The following RILPL1 variants were observed in gnomAD, a reference collection of about 807,000 sequenced individuals.
RILPL1 encodes Rab interacting lysosomal protein like 1.
In RILPL1, 33 loss-of-function variants were observed where a neutral mutation model predicts 50.3. That is an observed-to-expected ratio of 0.66 (90% CI 0.50 to 0.88). RILPL1 has a LOEUF of 0.88. Ranked by LOEUF, RILPL1 falls within the 40% of genes least tolerant of loss-of-function variation. The pLI, the probability that RILPL1 is intolerant of heterozygous loss-of-function variation, is 0.00. For missense variants in RILPL1, 418 were observed against 542.5 expected (o/e 0.77, Z 2.28); for synonymous variants, 205 against 228.6 (o/e 0.90, Z 0.93).
chr12:123,503,249 G>A (rs1220680835), intron 2 of RILPL1, among the ~76,000 whole-genome samples: 1 of 131,836 alleles, frequency 7.6e-6, no homozygotes, highest in Admixed American at 8.8e-5. Context: ...AGCCCAGGCT[G>A]GAGTGCAGTG....
intron 2 of RILPL1, among the ~76,000 whole-genome samples, chr12:123,521,162 G>C (rs372024403): frequency 1.3e-5 from 2 of 152,056 alleles, no homozygotes; most frequent in Non-Finnish European, 2.9e-5. Flanking sequence ...TGTTTTCTAC[G>C]AACCAGGTAA....
At chr12:123,486,350 C>T (rs1024524710) in intron 4 of RILPL1, among the ~76,000 whole-genome samples, 1 of 152,122 alleles carries the variant, frequency 6.6e-6, no homozygotes, top group Non-Finnish European at 1.5e-5. Context: ...GGAAGCCCGG[C>T]GGGGGTGCAC....
rs749053357 is a variant in RILPL1, at chr12:123,533,378, G to A, written c.105C>T (p.Gly35=). 11 of 1,565,676 alleles carry A rather than the reference G, an allele frequency of 7.0e-6. No individual in the cohort carries two copies. The highest frequency in any genetic ancestry group is 9.5e-6 in the Non-Finnish European group (11 of 1,156,940). ...MDVYDIASLV[G]HEFERVIDQH... is the part of the protein sequence containing the mutation. The stretch of plus-strand genomic sequence containing the variant: ...GGTCAATGACCCGCTCGAACTCGTG[G>A]CCCACAAGCGACGCGATGTCGTACA... Residue 35 remains glycine (G), a synonymous_variant, in exon 1 of 7, where the codon GGC becomes GGT. Transcript: ENST00000376874. This position sits in a 1 kb window ranked among gnomAD's most constrained non-coding sequence, Gnocchi z 6.2.
At chr12:123,529,959 AC>A (rs1885391651) in intron 1 of RILPL1, among the ~76,000 whole-genome samples, 1 of 152,000 alleles carries the variant, frequency 6.6e-6, no homozygotes, top group South Asian at 2.1e-4. Context: ...CAGTAGCCAC[AC>A]GTGGCTGTTG....
chr12:123,525,408 G>A (rs1012394341), intron 1 of RILPL1, among the ~76,000 whole-genome samples: 8 of 141,546 alleles, frequency 5.7e-5, no homozygotes, highest in Non-Finnish European at 1.2e-4. Flanking sequence ...TTTAGAGATG[G>A]GGTATTGCTG....
intron 6 of RILPL1, among the ~76,000 whole-genome samples, chr12:123,480,755 A>G (rs938637405): frequency 3.3e-5 from 5 of 152,140 alleles, no homozygotes; most frequent in African/African-American, 1.2e-4. Context: ...ACTGCAGAGA[A>G]TCAAGACTGA....
Position 123,485,198 on chromosome 12 carries a change from T to C in RILPL1, c.974+435A>G, listed in dbSNP as rs145779650. The C allele has an allele frequency of 2.2e-4, 101 of 457,050 alleles. No individual in the cohort carries two copies. Among genetic ancestry groups the C allele is most frequent in the African/African-American group, 1.6e-3 (78 of 50,212 alleles). 28.3% of individuals were successfully genotyped at this position (457,050 alleles called of 1,614,324 possible). ...AAGATAAATAAGACTTCTGGTCTCA[T>C]GTTGCTTGTGGTCTCATGTGGAAAC... On this transcript the variant is annotated intron_variant, in intron 5 of 6. Transcript: ENST00000376874. The surrounding 1 kb of genome is among the most constrained non-coding windows in gnomAD (Gnocchi z 4.0).
chr12:123,513,491 CTA>C (rs1593590177), intron 2 of RILPL1: 2 of 230,932 alleles, frequency 8.7e-6, no homozygotes, highest in East Asian at 1.3e-4. Context: ...GCCGTAGGAG[CTA>C]TGAGACCGAG....
At chr12:123,528,320 C>T (rs112218291) in intron 1 of RILPL1, among the ~76,000 whole-genome samples, 4,214 of 146,646 alleles carry the variant, frequency 0.029, 176 homozygotes, top group African/African-American at 0.096. Flanking sequence ...TGGTCACGCA[C>T]GGCACGCCAG....
intron 2 of RILPL1, 83 bp downstream of exon 2, chr12:123,523,411 CA>C (rs1279396797): frequency 5.9e-6 from 9 of 1,517,866 alleles, no homozygotes; most frequent in South Asian, 2.3e-5. Context: ...CATCAGCGTC[CA>C]GGGGTGGTGG....
intron 1 of RILPL1, among the ~76,000 whole-genome samples, chr12:123,528,184 T>C (rs1024365659): frequency 1.3e-5 from 2 of 150,798 alleles, no homozygotes; most frequent in African/African-American, 4.9e-5. Context: ...CTGGGCAACA[T>C]GGCAAGACCC....
chr12:123,507,100 T>G (rs1883796519), intron 2 of RILPL1, among the ~76,000 whole-genome samples: 1 of 152,216 alleles, frequency 6.6e-6, no homozygotes, highest in Non-Finnish European at 1.5e-5. Flanking sequence ...GACGTGTGCC[T>G]TGTTGCTGGA....
intron 2 of RILPL1, among the ~76,000 whole-genome samples, chr12:123,516,790 A>G (rs1218776450): frequency 6.6e-6 from 1 of 152,116 alleles, no homozygotes; most frequent in East Asian, 1.9e-4. Context: ...GTTGAGCGCT[A>G]TGCCTCATGC....
intron 2 of RILPL1, among the ~76,000 whole-genome samples, chr12:123,518,674 T>C (rs946361426): frequency 6.6e-6 from 1 of 152,204 alleles, no homozygotes; most frequent in Admixed American, 6.5e-5. Flanking sequence ...ATCTCATTGA[T>C]AGTCTCATTG....
intron 2 of RILPL1, among the ~76,000 whole-genome samples, chr12:123,512,288 AGGTCTGTGT>A (rs1884358020): frequency 2.8e-3 from 1 of 352 alleles, no homozygotes; most frequent in Non-Finnish European, 5.8e-3. Flanking sequence ...GTGGTGTGTG[AGGTCTGTGT>A]GGAGGTCTGT....
chr12:123,488,167 C>T lies in RILPL1; in HGVS notation c.802-2362G>A, dbSNP rs375203301. On this transcript the variant is annotated intron_variant, in intron 4 of 6. Transcript: ENST00000376874. Reference sequence around the variant, plus strand: ...AAGAAAAACTCCATAGGCCCGGCACCGTGGCTCACACTCCTAATTCTAGCA... The same window carrying T: ...AAGAAAAACTCCATAGGCCCGGCACTGTGGCTCACACTCCTAATTCTAGCA... 2.6e-4 allele frequency among the ~76,000 whole-genome samples: 40 copies of T among 152,120 alleles called. 1 individual carries two copies. The South Asian group carries it at 6.0e-3, about 23-fold the overall frequency.
chr12:123,499,686 G>A (rs992047402), intron 2 of RILPL1, 150 bp from the exon 3 acceptor site: 61 of 644,080 alleles, frequency 9.5e-5, no homozygotes, highest in African/African-American at 9.0e-4. Context: ...CACGCCCTTC[G>A]CCCTCCCCGG....
rs970267780 is a variant in RILPL1, at chr12:123,523,756, C to A, written c.310-111G>T. The A allele has an allele frequency of 4.6e-6, 6 of 1,291,130 alleles. No homozygotes were observed. In the Middle Eastern group the frequency reaches 7.8e-4, roughly 168 times the overall value. The allele number at this position is 1,291,130 out of a possible 1,614,324, so 80.0% of individuals were successfully genotyped here. A position where few individuals can be genotyped will look rare whatever the true frequency, so the allele number is the denominator to read the frequency against. On this transcript the variant is annotated intron_variant, in intron 1 of 6. Coordinates refer to ENST00000376874, the MANE Select transcript of RILPL1 (RefSeq NM_178314.5). ...TGCTGGGACTTTGGGCCATCCCCTT[C>A]CTCGTGAGAACTGGGCCGGCAAGGC...
At chr12:123,529,565 C>A (rs1223001154) in intron 1 of RILPL1, among the ~76,000 whole-genome samples, 1 of 148,116 alleles carries the variant, frequency 6.8e-6, no homozygotes, top group Non-Finnish European at 1.5e-5. Flanking sequence ...GTGTGAAACA[C>A]TGTGCCCAGC....
Sources: allele counts gnomAD v4.1 joint callset (sites outside exome capture counted in the v4.1 genomes callset), GRCh38; gene constraint gnomAD v4.1.1; non-coding constraint Gnocchi (gnomAD v3.1); transcripts MANE v1.5; gene names NCBI Gene and HGNC (gene_info 2026-07-23, HGNC 2026-07-21).